Variants in HERC1 observed in about 807,000 individuals in gnomAD.
HERC1 encodes HECT and RLD domain containing E3 ubiquitin protein ligase family member 1, also known as probable E3 ubiquitin-protein ligase HERC1.
HERC1 carries 160 observed loss-of-function variants against 554.3 expected under a neutral mutation model. The ratio of observed to expected loss-of-function variants is 0.29; its 90% confidence interval spans 0.25 to 0.33. HERC1 has a LOEUF of 0.33. HERC1 is among the 10% of genes least tolerant of loss of function. HERC1 has a pLI of 1.00. For missense variants in HERC1, 4,919 were observed against 5,918.5 expected (o/e 0.83, Z 5.54); for synonymous variants, 2,175 against 2,131.7 (o/e 1.02, Z -0.56).
chr15:63,624,078 C>T, intron 72 of HERC1, 80 bp downstream of exon 72: 2 of 1,400,308 alleles, frequency 1.4e-6, no homozygotes, highest in East Asian at 2.3e-5. Context: ...AGTGAGGAAA[C>T]CAAGACTCAC....
In HERC1 at chr15:63,712,867, G is replaced by C. The variant is rs1217504402; in HGVS notation, c.4492C>G (p.Leu1498Val). ...CTATAATTTGGGCTTGTGTGGACTA[G>C]CCGGCTCTCTGCAGTAAGACTTTCA... ...RSESLTAESR[L>V]VHTSPNYRLI... The change falls in exon 24 of 78, where the codon CTA (leucine) becomes GTA (valine). Residue 1498 changes from leucine (L) to valine (V), a missense_variant. Transcript: ENST00000443617. The C allele has an allele frequency of 5.6e-6, 9 of 1,613,482 alleles. No individual in the cohort carries two copies. Among genetic ancestry groups the C allele is most frequent in the Non-Finnish European group, 6.8e-6 (8 of 1,179,704 alleles).
intron 52 of HERC1, among the ~76,000 whole-genome samples, chr15:63,652,037 A>AAAC (rs1246653242): frequency 1.3e-5 from 2 of 152,052 alleles, no homozygotes; most frequent in African/African-American, 2.4e-5. Context: ...CTCAGTCTCA[A>AAAC]AAAAGAAAAA....
chr15:63,659,611 T>C (rs763793841), intron 47 of HERC1, 125 bp downstream of exon 47: 3 of 705,548 alleles, frequency 4.3e-6, no homozygotes, highest in Admixed American at 2.7e-5. Context: ...AAGAGACTTG[T>C]TGGGGTGAGA....
At chr15:63,672,024 A>G (rs747217311) in intron 39 of HERC1, among the ~76,000 whole-genome samples, 13 of 152,250 alleles carry the variant, frequency 8.5e-5, no homozygotes, top group Non-Finnish European at 1.8e-4. Context: ...AAGAAGCATC[A>G]TAAGACATGC....
At chr15:63,657,260 GT>G (rs770864894) in intron 48 of HERC1, among the ~76,000 whole-genome samples, 2,716 of 124,788 alleles carry the variant, frequency 0.022, 56 homozygotes, top group African/African-American at 0.071. Flanking sequence ...TTTGTCTTAG[GT>G]TTTTTTTTTT....
chr15:63,812,154 C>T (rs1448412702), intron 1 of HERC1, among the ~76,000 whole-genome samples: 1 of 152,092 alleles, frequency 6.6e-6, no homozygotes, highest in Non-Finnish European at 1.5e-5. Flanking sequence ...AAGAGAAAAG[C>T]CAGACAGCAA....
At chr15:63,743,263 C>CTTTT (rs71131177) in intron 12 of HERC1, among the ~76,000 whole-genome samples, 6 of 109,174 alleles carry the variant, frequency 5.5e-5, no homozygotes, top group South Asian at 3.0e-4. Flanking sequence ...TTTTCTTTTT[C>CTTTT]TTTTTTTTTT....
At position 63,756,700 on chromosome 15, in the gene HERC1, C is replaced by A; in HGVS notation, c.1270G>T (p.Val424Phe). The A allele has an allele frequency of 6.2e-7, 1 of 1,612,628 alleles. No homozygotes were observed. The highest frequency in any genetic ancestry group is 8.5e-7 in the Non-Finnish European group (1 of 1,179,344). Residue 424 changes from valine to phenylalanine, a missense_variant, in exon 5 of 78, where the codon GTT (valine) becomes TTT (phenylalanine). Physicochemically the swap from Val to Phe is conservative, Grantham distance 50. Coordinates refer to ENST00000443617, the MANE Select transcript of HERC1 (RefSeq NM_003922.4). The surrounding 1 kb of genome is among the most constrained non-coding windows in gnomAD (Gnocchi z 5.0). ...CTFVISTDGS[V>F]RACGKGSYGR... The stretch of plus-strand genomic sequence containing the variant: ...TAGCTGCCTTTCCCGCAAGCTCTAA[C>A]AGAGCCATCCGTAGAAATGACAAAA...
intron 24 of HERC1, among the ~76,000 whole-genome samples, chr15:63,709,609 T>A (rs1455178528): frequency 6.6e-6 from 1 of 152,236 alleles, no homozygotes; most frequent in Non-Finnish European, 1.5e-5. Flanking sequence ...GTTTTAACCC[T>A]ATTCTGAGTC....
intron 1 of HERC1, among the ~76,000 whole-genome samples, chr15:63,806,166 T>G (rs74983354): frequency 6.9e-6 from 1 of 144,292 alleles, no homozygotes; most frequent in South Asian, 2.2e-4. Context: ...ACACAAGTGG[T>G]TTTTTTTTTT....
At chr15:63,801,122 AC>A (rs2076972021) in intron 1 of HERC1, among the ~76,000 whole-genome samples, 1 of 152,038 alleles carries the variant, frequency 6.6e-6, no homozygotes, top group African/African-American at 2.4e-5. Context: ...CCATGCCCCT[AC>A]CCCCTGTATC....
chr15:63,826,242 T>G (rs1276496610), intron 1 of HERC1, among the ~76,000 whole-genome samples: 1 of 152,158 alleles, frequency 6.6e-6, no homozygotes, highest in Non-Finnish European at 1.5e-5. Flanking sequence ...TTTCTTCATG[T>G]TGTCTTGGTT....
In HERC1 at chr15:63,755,067, C is replaced by T. The variant is rs186478978; in HGVS notation, c.1630+162G>A. Reference sequence around the variant, plus strand: ...ATTTAATTACATTTAAATATCAGCACTAAAATCTAGGTCTTATCTATATAA... The same window carrying T: ...ATTTAATTACATTTAAATATCAGCATTAAAATCTAGGTCTTATCTATATAA... On this transcript the variant is annotated intron_variant, in intron 6 of 77. Coordinates refer to ENST00000443617, the MANE Select transcript of HERC1 (RefSeq NM_003922.4). Among the ~76,000 whole-genome samples the T allele has an allele frequency of 4.7e-4, 72 of 152,302 alleles. No individual in the cohort carries two copies. The Middle Eastern group carries it at 0.01, about 22-fold the overall frequency.
Position 63,756,939 on chromosome 15 carries a change from T to C in HERC1, c.1222-191A>G, listed in dbSNP as rs1457339295. Reference sequence around the variant, plus strand: ...CTTTTCATGCTCACAACTTTGTTGCTGAGTTCAAATTCTTCATGTATATGT... The same window carrying C: ...CTTTTCATGCTCACAACTTTGTTGCCGAGTTCAAATTCTTCATGTATATGT... On this transcript the variant is annotated intron_variant, in intron 4 of 77. Transcript: ENST00000443617. This position sits in a 1 kb window ranked among gnomAD's most constrained non-coding sequence, Gnocchi z 5.0. 6.6e-6 allele frequency among the ~76,000 whole-genome samples: 1 copy of C among 152,214 alleles called. No homozygotes were observed. The highest frequency in any genetic ancestry group is 2.4e-5 in the African/African-American group (1 of 41,464).
At chr15:63,715,191 G>C (rs1341629415) in intron 22 of HERC1, among the ~76,000 whole-genome samples, 1 of 152,134 alleles carries the variant, frequency 6.6e-6, no homozygotes, top group African/African-American at 2.4e-5. Context: ...GGTAGTACTA[G>C]AACTTTAGAC....
At chr15:63,695,201 A>G (rs1334818403) in intron 27 of HERC1, among the ~76,000 whole-genome samples, 2 of 151,130 alleles carry the variant, frequency 1.3e-5, no homozygotes, top group Non-Finnish European at 2.9e-5. Context: ...ACACTTGGCT[A>G]ATTTTTTGTA....
chr15:63,709,118 T>C (rs1159334088), intron 24 of HERC1, among the ~76,000 whole-genome samples: 1 of 151,512 alleles, frequency 6.6e-6, no homozygotes, highest in African/African-American at 2.4e-5. Flanking sequence ...GCCTCCCGAG[T>C]AGCTGGGACA....
chr15:63,613,161 T>G (rs2067674186), intron 76 of HERC1, among the ~76,000 whole-genome samples: 1 of 152,222 alleles, frequency 6.6e-6, no homozygotes, highest in Admixed American at 6.5e-5. Context: ...CTCCCAGCTC[T>G]GCCAATTATT....
intron 48 of HERC1, 83 bp downstream of exon 48, chr15:63,658,461 T>G (rs554333456): frequency 8.1e-7 from 1 of 1,239,750 alleles, no homozygotes; most frequent in African/African-American, 1.5e-5. Flanking sequence ...AAATTCTATC[T>G]CACCCTCCCA....
Sources: allele counts gnomAD v4.1 joint callset (sites outside exome capture counted in the v4.1 genomes callset), GRCh38; gene constraint gnomAD v4.1.1; non-coding constraint Gnocchi (gnomAD v3.1); transcripts MANE v1.5; gene names NCBI Gene and HGNC (gene_info 2026-07-23, HGNC 2026-07-21).